The following DSCAML1 variants were observed in gnomAD, a reference collection of about 807,000 sequenced individuals.
DSCAML1 encodes cell adhesion molecule DSCAML1.
In DSCAML1, 38 loss-of-function variants were observed where a neutral mutation model predicts 200.5. That is an observed-to-expected ratio of 0.19 (90% CI 0.15 to 0.25). The LOEUF is 0.25. Ranked by LOEUF, DSCAML1 falls within the 10% of genes least tolerant of loss-of-function variation. The probability of loss-of-function intolerance (pLI) is 1.00; values close to 1 mark genes in which losing one functional copy is unlikely to be tolerated. For synonymous variants in DSCAML1, 1,215 were observed against 1,165.0 expected (o/e 1.04, Z -0.87); for missense variants, 2,223 against 2,858.8 (o/e 0.78, Z 5.07).
At chr11:117,708,643 G>A (rs1343013238) in intron 3 of DSCAML1, among the ~76,000 whole-genome samples, 1 of 152,192 alleles carries the variant, frequency 6.6e-6, no homozygotes, top group Non-Finnish European at 1.5e-5. Flanking sequence ...TCACACCTAA[G>A]GCATTCCTGG....
At chr11:117,533,154 A>C (rs989187329) in intron 3 of DSCAML1, among the ~76,000 whole-genome samples, 2 of 152,104 alleles carry the variant, frequency 1.3e-5, no homozygotes, top group African/African-American at 4.8e-5. Context: ...AAAAGTAAAA[A>C]TAAAAATAAT....
At chr11:117,615,194 C>T (rs757042599) in intron 3 of DSCAML1, among the ~76,000 whole-genome samples, 1 of 152,120 alleles carries the variant, frequency 6.6e-6, no homozygotes, top group East Asian at 1.9e-4. Flanking sequence ...GTACCCTACT[C>T]GCTGGCTGCT....
At chr11:117,705,531 C>T (rs902283914) in intron 3 of DSCAML1, among the ~76,000 whole-genome samples, 2 of 152,120 alleles carry the variant, frequency 1.3e-5, no homozygotes, top group African/African-American at 4.8e-5. Context: ...GAGATTTCTT[C>T]GAGGTTCAAA....
rs2055217929 is a variant in DSCAML1, at chr11:117,780,250, AAGAAAGAAAGAAAGAAAG to A, written c.364+225_364+242del. ...AAGAAAGGAAAGAAAGAAAGAAAGA[AAGAAAGAAAGAAAGAAAG>A]AAAGAAAGAAAGAAAGAAAGAAAGA... On this transcript the variant is annotated intron_variant, in intron 2 of 32. Coordinates refer to ENST00000651296, the MANE Select transcript of DSCAML1 (RefSeq NM_020693.4). The surrounding 1 kb of genome is among the most constrained non-coding windows in gnomAD (Gnocchi z 4.8). 1.2e-5 allele frequency among the ~76,000 whole-genome samples: 1 copy of A among 82,546 alleles called. No individual in the cohort carries two copies. The highest frequency in any genetic ancestry group is 4.6e-5 in the African/African-American group (1 of 21,964). 54.2% of individuals were successfully genotyped at this position (82,546 alleles called of 152,430 possible).
chr11:117,447,792 C>A (rs2048210403), intron 20 of DSCAML1, among the ~76,000 whole-genome samples: 2 of 152,208 alleles, frequency 1.3e-5, no homozygotes, highest in Non-Finnish European at 1.5e-5. Context: ...CAGGCTCATG[C>A]CACAGTTTTG....
chr11:117,676,858 GC>G (rs1303038912), intron 3 of DSCAML1, among the ~76,000 whole-genome samples: 1 of 152,216 alleles, frequency 6.6e-6, no homozygotes, highest in African/African-American at 2.4e-5. Flanking sequence ...TGCCACCCAA[GC>G]TGCTGTCAAT....
intron 8 of DSCAML1, among the ~76,000 whole-genome samples, chr11:117,512,080 G>T (rs1002620752): frequency 6.6e-6 from 1 of 152,192 alleles, no homozygotes; most frequent in Admixed American, 6.5e-5. Flanking sequence ...GCCCCACCCT[G>T]CCCACTGACC....
chr11:117,494,762 G>A (rs908148781), intron 11 of DSCAML1, among the ~76,000 whole-genome samples: 5 of 152,170 alleles, frequency 3.3e-5, no homozygotes, highest in South Asian at 4.1e-4. Context: ...CTCATAAGAC[G>A]AGAAGAGACC....
chr11:117,568,109 C>T (rs915910630), intron 3 of DSCAML1, among the ~76,000 whole-genome samples: 2 of 152,118 alleles, frequency 1.3e-5, no homozygotes, highest in Admixed American at 6.6e-5. Flanking sequence ...ATAAACAGAA[C>T]CAAAGACAAA....
intron 3 of DSCAML1, among the ~76,000 whole-genome samples, chr11:117,587,578 G>A (rs1476122510): frequency 6.6e-6 from 1 of 152,144 alleles, no homozygotes; most frequent in South Asian, 2.1e-4. Context: ...GAGTCGGGCC[G>A]ATGTTGTTCA....
chr11:117,787,605 G>A (rs1372062381), intron 1 of DSCAML1, among the ~76,000 whole-genome samples: 4 of 152,116 alleles, frequency 2.6e-5, no homozygotes, highest in Non-Finnish European at 5.9e-5. Context: ...TGGAAAAGTA[G>A]ATTTGCCATC....
intron 3 of DSCAML1, among the ~76,000 whole-genome samples, chr11:117,725,017 C>T (rs1316393687): frequency 1.3e-5 from 2 of 152,116 alleles, no homozygotes; most frequent in African/African-American, 4.8e-5. Context: ...GCTAGACTGG[C>T]AGAGGTGGGC....
intron 3 of DSCAML1, among the ~76,000 whole-genome samples, chr11:117,749,012 C>T (rs77324228): frequency 0.024 from 3,641 of 152,288 alleles, 141 homozygotes; most frequent in African/African-American, 0.082. Context: ...CCTTGACACA[C>T]GTGCCTTGCC....
rs114338754 is a variant in DSCAML1 at position 117,447,390 on chromosome 11, A to G, written c.3708+3159T>C. On this transcript the variant is annotated intron_variant, in intron 20 of 32. Coordinates refer to ENST00000651296, the MANE Select transcript of DSCAML1 (RefSeq NM_020693.4). ...ATTGCATTACGTTATGTATAATATT[A>G]TTTTAATTTGGTTTAATGAAACACC... 9.2e-3 allele frequency among the ~76,000 whole-genome samples: 1,408 copies of G among 152,276 alleles called. 19 individuals are homozygous for G. Among genetic ancestry groups the G allele is most frequent in the African/African-American group, 0.031 (1,288 of 41,532 alleles).
At position 117,505,472 on chromosome 11, in the gene DSCAML1, G is replaced by A. The variant is rs747779784; in HGVS notation, c.2044C>T (p.Arg682Cys). ...SNAAATVSRE[R>C]QLIVRVPPRF... ...TGCTCACCACGCACGATGAGCTGGC[G>A]CTCCCGGCTCACGGTGGCGGCTGCG... Residue 682 changes from arginine to cysteine, a missense_variant, in exon 9 of 33, where the codon CGC becomes TGC. This residue lies in a region of DSCAML1 where 212 missense variants were observed against 368.0 expected (regional missense o/e 0.58). Transcript: ENST00000651296. This position sits in a 1 kb window ranked among gnomAD's most constrained non-coding sequence, Gnocchi z 6.7. 3.1e-6 allele frequency: 5 copies of A among 1,611,250 alleles called. No homozygotes were observed. Among genetic ancestry groups the A allele is most frequent in the Non-Finnish European group, 8.5e-7 (1 of 1,179,950 alleles).
chr11:117,797,329 A>G, upstream of DSCAML1: 1 of 1,265,262 alleles, frequency 7.9e-7, no homozygotes, highest in East Asian at 3.2e-5. Flanking sequence ...GCGCCGCGCG[A>G]GCCCGGAGCC....
intron 3 of DSCAML1, among the ~76,000 whole-genome samples, chr11:117,537,683 A>C (rs2050194312): frequency 6.6e-6 from 1 of 152,240 alleles, no homozygotes; most frequent in South Asian, 2.1e-4. Flanking sequence ...TAATAAGACT[A>C]GTGTTCGTCT....
At chr11:117,658,076 G>A (rs181905398) in intron 3 of DSCAML1, among the ~76,000 whole-genome samples, 4 of 152,176 alleles carry the variant, frequency 2.6e-5, no homozygotes, top group South Asian at 2.1e-4. Flanking sequence ...CTTTTCCACC[G>A]TGCAACTGCC....
At chr11:117,796,965 CGCCTCGCCGCCAGCCGCGCCACCCTG>C (rs1462904268) in intron 1 of DSCAML1, 43 bp downstream of exon 1, 12 of 1,189,156 alleles carry the variant, frequency 1.0e-5, no homozygotes, top group Non-Finnish European at 1.3e-5. Flanking sequence ...CCGGGCACCC[CGCCTCGCCGCCAGCCGCGCCACCCTG>C]GCCCCGCCGC....
Sources: gnomAD v4.1 joint callset for allele counts (sites outside exome capture counted in the v4.1 genomes callset) on GRCh38, gnomAD v4.1.1 for gene constraint, gnomAD v4.1.1 regional missense constraint, Gnocchi (gnomAD v3.1) non-coding constraint, MANE v1.5 for transcripts, NCBI Gene and HGNC (gene_info 2026-07-23, HGNC 2026-07-21) for gene names.